PABPC4L: variants seen among roughly 807,000 people sequenced by gnomAD.
The protein encoded by PABPC4L is polyadenylate-binding protein 4-like.
For synonymous variants in PABPC4L, 169 were observed against 164.1 expected (o/e 1.03, Z -0.23); for missense variants, 452 against 451.4 (o/e 1.00, Z -0.01).
chr4:134,186,825 A>T, the PABPC4L span, among the ~76,000 whole-genome samples: 1 of 152,194 alleles, frequency 6.6e-6, no homozygotes, highest in South Asian at 2.1e-4. Flanking sequence ...GAATCTACAA[A>T]GAACTTAAAC....
chr4:134,052,158 C>G, the PABPC4L span, among the ~76,000 whole-genome samples: 4 of 151,986 alleles, frequency 2.6e-5, no homozygotes, highest in East Asian at 3.9e-4. Flanking sequence ...GATTTTGAGG[C>G]TTATGGGATA....
At chr4:133,988,995 A>G in the PABPC4L span, among the ~76,000 whole-genome samples, 68 of 152,246 alleles carry the variant, frequency 4.5e-4, no homozygotes, top group African/African-American at 1.6e-3. Context: ...CAGTGGTATG[A>G]GTTGACCTTG....
the PABPC4L span, among the ~76,000 whole-genome samples, chr4:134,116,935 A>T: frequency 6.6e-6 from 1 of 151,740 alleles, no homozygotes; most frequent in African/African-American, 2.4e-5. Flanking sequence ...TATGTTTTAC[A>T]GTTTTGCCCT....
At chr4:133,975,796 C>T in the PABPC4L span, among the ~76,000 whole-genome samples, 4 of 152,054 alleles carry the variant, frequency 2.6e-5, no homozygotes, top group Non-Finnish European at 5.9e-5. Flanking sequence ...AACTCCATAA[C>T]TGGAGTGAAC....
chr4:134,199,994 AG>A lies in PABPC4L; in HGVS notation c.1025del (p.Pro342LeufsTer8). 1 of 1,551,662 alleles carries A rather than the reference AG, an allele frequency of 6.4e-7. No homozygotes were observed. The highest frequency in any genetic ancestry group is 8.7e-7 in the Non-Finnish European group (1 of 1,146,946). On this transcript the variant is annotated frameshift_variant, in exon 2 of 2. Coordinates refer to ENST00000421491, the MANE Select transcript of PABPC4L (RefSeq NM_001114734.2). LOFTEE classifies it low-confidence loss of function (END_TRUNC). ...CAGTCATTGCTTTAGTAGCATCCTC[AG>A]GAGAGGAGAAGCAGATCAAGCCAAA... ...KGFGLICFSS[P>X]EDATKAMTEM... is the part of the protein sequence containing the mutation.
chr4:134,086,129 G>C, the PABPC4L span, among the ~76,000 whole-genome samples: 33 of 148,382 alleles, frequency 2.2e-4, 1 homozygote, highest in Non-Finnish European at 3.6e-4. Flanking sequence ...TCACTGGGGG[G>C]TTCTTTTTTC....
the PABPC4L span, among the ~76,000 whole-genome samples, chr4:134,010,182 T>C: frequency 6.6e-6 from 1 of 152,026 alleles, no homozygotes; most frequent in Non-Finnish European, 1.5e-5. Flanking sequence ...ATATTAAGGG[T>C]ATAATAATTA....
the PABPC4L span, among the ~76,000 whole-genome samples, chr4:134,040,414 A>G: frequency 1.3e-5 from 2 of 152,102 alleles, no homozygotes; most frequent in East Asian, 3.9e-4. Context: ...GGCCTCAGAA[A>G]TAACACCACA....
At chr4:134,107,763 C>T in the PABPC4L span, among the ~76,000 whole-genome samples, 3 of 151,546 alleles carry the variant, frequency 2.0e-5, no homozygotes, top group African/African-American at 7.2e-5. Flanking sequence ...ATTTGAGACA[C>T]TATTATGACT....
chr4:133,996,020 G>C, the PABPC4L span, among the ~76,000 whole-genome samples: 1 of 152,122 alleles, frequency 6.6e-6, no homozygotes, highest in African/African-American at 2.4e-5. Flanking sequence ...TGTATTACCA[G>C]GCAGGCCAAG....
the PABPC4L span, among the ~76,000 whole-genome samples, chr4:134,079,267 A>T: frequency 2.7e-5 from 4 of 149,666 alleles, no homozygotes; most frequent in Non-Finnish European, 5.9e-5. Context: ...ACCACAACCA[A>T]CCTGTTTTGT....
chr4:134,173,159 CAA>C, the PABPC4L span, among the ~76,000 whole-genome samples: 104 of 77,982 alleles, frequency 1.3e-3, no homozygotes, highest in African/African-American at 4.5e-3. Flanking sequence ...GGAGATTCCT[CAA>C]AAAAAAAAAA....
chr4:134,158,204 A>G, the PABPC4L span, among the ~76,000 whole-genome samples: 83 of 152,078 alleles, frequency 5.5e-4, no homozygotes, highest in Middle Eastern at 3.4e-3. Flanking sequence ...TAAATAGTGA[A>G]GTGATTATCC....
At chr4:134,016,351 G>T in the PABPC4L span, among the ~76,000 whole-genome samples, 2 of 152,132 alleles carry the variant, frequency 1.3e-5, no homozygotes, top group South Asian at 4.1e-4. Flanking sequence ...ACTACGCAAG[G>T]GTCCTCTATC....
the PABPC4L span, among the ~76,000 whole-genome samples, chr4:134,102,404 T>TA: frequency 1.1e-4 from 16 of 150,408 alleles, no homozygotes; most frequent in Admixed American, 4.7e-4. Context: ...CCTAGGACAT[T>TA]AAAAAAAAAT....
At chr4:134,164,618 T>C in the PABPC4L span, among the ~76,000 whole-genome samples, 90 of 152,260 alleles carry the variant, frequency 5.9e-4, no homozygotes, top group Admixed American at 1.8e-3. Context: ...GTAACATAAA[T>C]CATCTTCTAT....
At chr4:134,112,352 A>G in the PABPC4L span, among the ~76,000 whole-genome samples, 1 of 152,012 alleles carries the variant, frequency 6.6e-6, no homozygotes, top group Non-Finnish European at 1.5e-5. Context: ...TAAGAGTAAT[A>G]TATTTTACGG....
the PABPC4L span, among the ~76,000 whole-genome samples, chr4:134,174,687 C>T: frequency 1.3e-5 from 2 of 152,058 alleles, no homozygotes; most frequent in Non-Finnish European, 2.9e-5. Context: ...TATGTGTCTG[C>T]GGTTTTTCCC....
chr4:134,125,999 A>G, the PABPC4L span, among the ~76,000 whole-genome samples: 1 of 152,162 alleles, frequency 6.6e-6, no homozygotes, highest in Non-Finnish European at 1.5e-5. Flanking sequence ...TCAGGTCAGT[A>G]GGATTTGATG....
Sources: gnomAD v4.1 joint callset for allele counts (sites outside exome capture counted in the v4.1 genomes callset) on GRCh38, gnomAD v4.1.1 for gene constraint, MANE v1.5 for transcripts, NCBI Gene and HGNC (gene_info 2026-07-23, HGNC 2026-07-21) for gene names.